Variants in RUNDC3B observed in about 807,000 individuals in gnomAD.
The protein encoded by RUNDC3B is RUN domain containing 3B, also known as RUN domain-containing protein 3B.
In RUNDC3B, 33 loss-of-function variants were observed where a neutral mutation model predicts 58.4. The ratio of observed to expected loss-of-function variants is 0.56; its 90% CI spans 0.43 to 0.75. RUNDC3B has a LOEUF of 0.75. Ranked by LOEUF, RUNDC3B falls within the 30% of genes least tolerant of loss-of-function variation. The pLI is 0.00. For missense variants in RUNDC3B, 501 were observed against 535.7 expected, an observed-to-expected ratio of 0.94 and a Z score of 0.64; for synonymous variants, 193 against 195.2, an observed-to-expected ratio of 0.99 and a Z score of 0.10.
At chr7:87,785,847 T>C (rs1835182511) in intron 8 of RUNDC3B, among the ~76,000 whole-genome samples, 2 of 152,224 alleles carry the variant, frequency 1.3e-5, no homozygotes, top group Non-Finnish European at 2.9e-5. Context: ...CTGCATACTC[T>C]GTGGGCAATT....
intron 1 of RUNDC3B, among the ~76,000 whole-genome samples, chr7:87,647,600 A>G (rs1823138987): frequency 6.6e-6 from 1 of 152,198 alleles, no homozygotes; most frequent in African/African-American, 2.4e-5. Flanking sequence ...CTTACTTTGC[A>G]TGGTTCCAGT....
intron 2 of RUNDC3B, among the ~76,000 whole-genome samples, chr7:87,665,693 C>G (rs769802760): frequency 2.0e-5 from 3 of 152,086 alleles, no homozygotes; most frequent in Non-Finnish European, 4.4e-5. Flanking sequence ...CTTCCTCTCA[C>G]CCTTCACTCT....
chr7:87,718,396 A>G (rs1321363074), intron 4 of RUNDC3B, among the ~76,000 whole-genome samples: 2 of 152,124 alleles, frequency 1.3e-5, no homozygotes, highest in Non-Finnish European at 2.9e-5. Context: ...GAAGGAAAGA[A>G]AAAGGTTAGC....
At chr7:87,800,329 A>G (rs554514978) in intron 8 of RUNDC3B, among the ~76,000 whole-genome samples, 1 of 152,312 alleles carries the variant, frequency 6.6e-6, no homozygotes, top group Non-Finnish European at 1.5e-5. Flanking sequence ...TATTACTATC[A>G]AAGTCTAGAA....
At chr7:87,636,087 C>G (rs1463941162) in intron 1 of RUNDC3B, among the ~76,000 whole-genome samples, 1 of 152,070 alleles carries the variant, frequency 6.6e-6, no homozygotes, top group Non-Finnish European at 1.5e-5. Context: ...ATTTTTCTGT[C>G]TGATATTAGC....
At position 87,628,772 on chromosome 7, in the gene RUNDC3B, G is replaced by C. The variant is rs555951072; in HGVS notation, c.-52G>C. 118 of 1,117,506 alleles carry C rather than the reference G, an allele frequency of 1.1e-4. No homozygotes were observed. The highest frequency in any genetic ancestry group is 6.4e-4 in the Middle Eastern group (2 of 3,112). 69.2% of individuals were successfully genotyped at this position (1,117,506 alleles called of 1,614,324 possible). A position where few individuals can be genotyped will look rare whatever the true frequency, so the allele number is the denominator to read the frequency against. The stretch of plus-strand genomic sequence containing the variant: ...AGCGAGAACCCCCTTAAGCAGGTGT[G>C]GGGGGCGTGCGGGGTGGCACGAGAC... On this transcript the variant is annotated 5_prime_UTR_variant, in exon 1 of 11. Coordinates refer to ENST00000394654, the MANE Select transcript of RUNDC3B (RefSeq NM_001134405.2).
At chr7:87,823,852 A>G (rs1286753019) in intron 10 of RUNDC3B, among the ~76,000 whole-genome samples, 1 of 151,962 alleles carries the variant, frequency 6.6e-6, no homozygotes, top group Non-Finnish European at 1.5e-5. Context: ...ACCTACATAC[A>G]TACATACATA....
chr7:87,770,322 A>G (rs1834209753), intron 6 of RUNDC3B, among the ~76,000 whole-genome samples: 1 of 151,882 alleles, frequency 6.6e-6, no homozygotes. Flanking sequence ...TTCTTGGTTT[A>G]TATCTTAATA....
intron 10 of RUNDC3B, among the ~76,000 whole-genome samples, chr7:87,820,417 G>C (rs984322282): frequency 6.6e-6 from 1 of 152,266 alleles, no homozygotes; most frequent in East Asian, 1.9e-4. Flanking sequence ...ACCAAAAAGA[G>C]TCCAGGACCA....
At chr7:87,711,331 A>AATAT (rs1041027773) in intron 4 of RUNDC3B, among the ~76,000 whole-genome samples, 1 of 151,506 alleles carries the variant, frequency 6.6e-6, no homozygotes, top group Admixed American at 6.6e-5. Context: ...TGTCTCAAAA[A>AATAT]ATATATATAT....
In RUNDC3B at chr7:87,677,397, A is replaced by T. The variant is rs999523585; in HGVS notation, c.239-23024A>T. ...AACAGATGAACCTGGAGGTCAATAA[A>T]CTACATGAAATATGCAAGACACAGA... On this transcript the variant is annotated intron_variant, in intron 2 of 10. Transcript: ENST00000394654. Among the ~76,000 whole-genome samples, 10 of 152,200 alleles carry T rather than the reference A, an allele frequency of 6.6e-5. No individual in the cohort carries two copies. In the East Asian group the frequency reaches 1.9e-3, roughly 29 times the overall value.
chr7:87,642,282 C>T (rs1347052782), intron 1 of RUNDC3B, among the ~76,000 whole-genome samples: 1 of 151,898 alleles, frequency 6.6e-6, no homozygotes, highest in East Asian at 1.9e-4. Context: ...CTTTCATTTT[C>T]GTAGCATTCT....
chr7:87,662,746 G>T (rs1019916652), intron 2 of RUNDC3B, among the ~76,000 whole-genome samples: 2 of 152,034 alleles, frequency 1.3e-5, no homozygotes, highest in Non-Finnish European at 2.9e-5. Flanking sequence ...GGTCTTTGTG[G>T]TTCCATATGA....
At chr7:87,703,939 T>TTTTTTTTTTTTTTTTTG in intron 3 of RUNDC3B, among the ~76,000 whole-genome samples, 1 of 130,584 alleles carries the variant, frequency 7.7e-6, no homozygotes, top group Non-Finnish European at 1.6e-5. Context: ...TTTTTTTTTT[T>TTTTTTTTTTTTTTTTTG]TGAGACAGTC....
intron 8 of RUNDC3B, among the ~76,000 whole-genome samples, chr7:87,805,281 C>G (rs992843000): frequency 6.6e-6 from 1 of 152,118 alleles, no homozygotes; most frequent in African/African-American, 2.4e-5. Context: ...ACTTGCCTGT[C>G]CCATAGTGTA....
At chr7:87,828,138 G>A (rs1382496887) in intron 10 of RUNDC3B, among the ~76,000 whole-genome samples, 1 of 151,974 alleles carries the variant, frequency 6.6e-6, no homozygotes, top group East Asian at 1.9e-4. Flanking sequence ...ACAACTTGTG[G>A]GTAACAGGGA....
chr7:87,667,448 T>C (rs1427658472), intron 2 of RUNDC3B, among the ~76,000 whole-genome samples: 1 of 152,162 alleles, frequency 6.6e-6, no homozygotes, highest in African/African-American at 2.4e-5. Context: ...AGGGATAGTT[T>C]AACTTTCTCT....
In RUNDC3B at chr7:87,831,231, G is replaced by T. The variant is rs560913742; in HGVS notation, c.*1201G>T. The T allele has an allele frequency of 6.6e-6, 1 of 151,714 alleles. No individual in the cohort carries two copies. The highest frequency in any genetic ancestry group is 2.4e-5 in the African/African-American group (1 of 41,450). 9.4% of individuals were successfully genotyped at this position (151,714 alleles called of 1,614,324 possible). A position where few individuals can be genotyped will look rare whatever the true frequency, so the allele number is the denominator to read the frequency against. On this transcript the variant is annotated 3_prime_UTR_variant, in exon 11 of 11. Transcript: ENST00000394654. ...GGAAAACATGATTAGCTGTGCCAAA[G>T]AAATTTTATACATTGTTTACATGAT...
chr7:87,727,510 T>C (rs1446418153), intron 4 of RUNDC3B, among the ~76,000 whole-genome samples: 1 of 152,184 alleles, frequency 6.6e-6, no homozygotes, highest in African/African-American at 2.4e-5. Context: ...TAAATTACAT[T>C]GGAGAAATTG....
Sources: allele counts gnomAD v4.1 joint callset (sites outside exome capture counted in the v4.1 genomes callset), GRCh38; gene constraint gnomAD v4.1.1; transcripts MANE v1.5; gene names NCBI Gene and HGNC (gene_info 2026-07-23, HGNC 2026-07-21).